Variants in ARMH3 observed in about 807,000 individuals in gnomAD.
The protein encoded by ARMH3 is armadillo-like helical domain-containing protein 3.
Under a neutral mutation model 99.1 loss-of-function variants are expected in ARMH3, and 60 were observed. That is an observed-to-expected ratio of 0.61 (90% CI 0.49 to 0.75). The LOEUF (loss-of-function observed/expected upper bound fraction) is 0.75. Ranked by LOEUF, ARMH3 falls within the 30% of genes least tolerant of loss-of-function variation. The pLI is 0.00. For missense variants in ARMH3, 679 were observed against 843.1 expected, an observed-to-expected ratio of 0.81 and a Z score of 2.41; for synonymous variants, 285 against 292.8, an observed-to-expected ratio of 0.97 and a Z score of 0.27.
At chr10:102,020,547 G>T (rs1468800324) in intron 8 of ARMH3, among the ~76,000 whole-genome samples, 1 of 151,898 alleles carries the variant, frequency 6.6e-6, no homozygotes, top group Non-Finnish European at 1.5e-5. Context: ...TTAGCCAGGC[G>T]TGGTGGCGGG....
At chr10:101,987,859 C>G (rs1846583481) in intron 19 of ARMH3, among the ~76,000 whole-genome samples, 1 of 152,126 alleles carries the variant, frequency 6.6e-6, no homozygotes, top group Non-Finnish European at 1.5e-5. Flanking sequence ...CCCAACTAAC[C>G]TGGTCATCAT....
At chr10:102,045,413 A>G (rs1416264958) in intron 1 of ARMH3, among the ~76,000 whole-genome samples, 1 of 152,158 alleles carries the variant, frequency 6.6e-6, no homozygotes, top group African/African-American at 2.4e-5. Context: ...CTGAGAGATT[A>G]AAGTAGGCCT....
At chr10:101,982,448 C>T (rs926188706) in intron 19 of ARMH3, among the ~76,000 whole-genome samples, 24 of 152,114 alleles carry the variant, frequency 1.6e-4, no homozygotes, top group Non-Finnish European at 2.8e-4. Flanking sequence ...TCAATACATA[C>T]ATGGAAAAAT....
intron 23 of ARMH3, among the ~76,000 whole-genome samples, chr10:101,938,896 CTT>C (rs1364647334): frequency 6.6e-6 from 1 of 152,206 alleles, no homozygotes; most frequent in Non-Finnish European, 1.5e-5. Flanking sequence ...TCCCAGCCCT[CTT>C]AACACACAAA....
chr10:102,036,349 C>T (rs2067270714), intron 2 of ARMH3, among the ~76,000 whole-genome samples: 1 of 152,108 alleles, frequency 6.6e-6, no homozygotes, highest in Admixed American at 6.5e-5. Context: ...GCCCCTCTGC[C>T]CGGCCACCAC....
At chr10:101,957,384 A>G (rs1351117602) in intron 21 of ARMH3, among the ~76,000 whole-genome samples, 4 of 152,176 alleles carry the variant, frequency 2.6e-5, no homozygotes, top group Middle Eastern at 3.2e-3. Flanking sequence ...AATTGGGACC[A>G]AGGCTCACTA....
rs2067847313 is a variant in ARMH3, at chr10:102,056,069, G to GGCC, written c.-12+13_-12+15dup. 1 of 152,492 alleles carries GGCC rather than the reference G, an allele frequency of 6.6e-6. No individual in the cohort carries two copies. The highest frequency in any genetic ancestry group is 2.1e-4 in the South Asian group (1 of 4,836). 9.4% of individuals were successfully genotyped at this position (152,492 alleles called of 1,614,324 possible). A position where few individuals can be genotyped will look rare whatever the true frequency, so the allele number is the denominator to read the frequency against. On this transcript the variant is annotated intron_variant, in intron 1 of 25. Coordinates refer to ENST00000370033, the MANE Select transcript of ARMH3 (RefSeq NM_024541.3). ...CAGGTTCGAGGACCGGGCCGGGCCTGGCCGCCGCCGCTTACCGAGCCCGCG... is the reference window on the plus strand; with the variant it reads ...CAGGTTCGAGGACCGGGCCGGGCCTGGCCGCCGCCGCCGCTTACCGAGCCCGCG...
At chr10:101,969,502 C>T (rs919645599) in intron 20 of ARMH3, among the ~76,000 whole-genome samples, 4 of 152,274 alleles carry the variant, frequency 2.6e-5, no homozygotes, top group South Asian at 2.1e-4. Context: ...AAGCTTCCAA[C>T]GAAAGGCTCT....
chr10:101,877,430 G>C (rs1400007279), intron 24 of ARMH3, among the ~76,000 whole-genome samples: 1 of 152,174 alleles, frequency 6.6e-6, no homozygotes, highest in East Asian at 1.9e-4. Flanking sequence ...GGGAGGCCGA[G>C]GCAGGCAGAT....
chr10:101,926,263 C>A (rs942598219), intron 23 of ARMH3, among the ~76,000 whole-genome samples: 11 of 152,196 alleles, frequency 7.2e-5, no homozygotes, highest in African/African-American at 2.7e-4. Flanking sequence ...TCATAACTCA[C>A]TGCAGCCTCG....
Position 102,006,493 on chromosome 10 carries a change from A to T in ARMH3, c.1048+47T>A, listed in dbSNP as rs1019548554. ...AACACAGCTATGCTCACTCTGAGAG[A>T]TCTAAGATCATATTAACCAAGAAAA... On this transcript the variant is annotated intron_variant, in intron 14 of 25. Transcript: ENST00000370033. 4 of 1,564,398 alleles carry T rather than the reference A, an allele frequency of 2.6e-6. No homozygotes were observed. The Admixed American group carries it at 5.0e-5, about 20-fold the overall frequency.
chr10:101,947,236 G>A (rs936006096), intron 22 of ARMH3, among the ~76,000 whole-genome samples: 2 of 151,816 alleles, frequency 1.3e-5, no homozygotes, highest in Admixed American at 6.6e-5. Flanking sequence ...ACAAACAATG[G>A]AACAATTATT....
chr10:101,876,535 T>C (rs2067271321), intron 24 of ARMH3, among the ~76,000 whole-genome samples: 1 of 152,206 alleles, frequency 6.6e-6, no homozygotes, highest in South Asian at 2.1e-4. Context: ...AGGTGGGTCA[T>C]TTTGAAGACC....
At chr10:101,901,491 C>G (rs1327648375) in intron 23 of ARMH3, among the ~76,000 whole-genome samples, 1 of 152,160 alleles carries the variant, frequency 6.6e-6, no homozygotes, top group East Asian at 1.9e-4. Context: ...CAGCTCTGAG[C>G]CTGCAGGTGC....
At chr10:102,008,164 A>G (rs1377530733) in intron 13 of ARMH3, among the ~76,000 whole-genome samples, 1 of 152,188 alleles carries the variant, frequency 6.6e-6, no homozygotes, top group Non-Finnish European at 1.5e-5. Context: ...TAATAACTAA[A>G]GTCTCTATGT....
chr10:101,979,709 G>T (rs921361715), intron 19 of ARMH3, among the ~76,000 whole-genome samples: 1 of 152,154 alleles, frequency 6.6e-6, no homozygotes, highest in South Asian at 2.1e-4. Flanking sequence ...CAGCTTTCAC[G>T]GCAATGTTCA....
Position 102,010,003 on chromosome 10 carries a change from T to C in ARMH3, c.852A>G (p.Ala284=), listed in dbSNP as rs899584033. The C allele has an allele frequency of 4.3e-6, 7 of 1,614,044 alleles. No individual in the cohort carries two copies. Among genetic ancestry groups the C allele is most frequent in the Non-Finnish European group, 5.9e-6 (7 of 1,179,944 alleles). ...GTACTGAGATTTTCTCATGGGCATC[T>C]GCTATGAACATGCTGCCCACCTGTG... ...LTNMVGSMFI[A]DAHEKISVQT... Residue 284 remains alanine, a synonymous_variant, in exon 12 of 26, where the codon GCA becomes GCG. Coordinates refer to ENST00000370033, the MANE Select transcript of ARMH3 (RefSeq NM_024541.3).
At chr10:101,954,579 A>G (rs1044238262) in intron 22 of ARMH3, among the ~76,000 whole-genome samples, 2 of 152,314 alleles carry the variant, frequency 1.3e-5, no homozygotes, top group East Asian at 1.9e-4. Flanking sequence ...AAACTCTTCT[A>G]TATCTTGATT....
At chr10:101,853,265 T>C (rs1015500096) in intron 24 of ARMH3, among the ~76,000 whole-genome samples, 1 of 152,244 alleles carries the variant, frequency 6.6e-6, no homozygotes, top group African/African-American at 2.4e-5. Flanking sequence ...TCAGTTCATC[T>C]AGTCTCTGCT....
Sources: allele counts gnomAD v4.1 joint callset (sites outside exome capture counted in the v4.1 genomes callset), GRCh38; gene constraint gnomAD v4.1.1; transcripts MANE v1.5; gene names NCBI Gene and HGNC (gene_info 2026-07-23, HGNC 2026-07-21).